PELI2: variants seen among roughly 807,000 people sequenced by gnomAD.
The protein encoded by PELI2 is pellino E3 ubiquitin protein ligase family member 2, also known as E3 ubiquitin-protein ligase pellino homolog 2.
PELI2 carries 23 observed loss-of-function variants against 42.3 expected under a neutral mutation model. That is an observed-to-expected ratio of 0.54 (90% CI 0.39 to 0.77). The LOEUF (loss-of-function observed/expected upper bound fraction) is 0.77, where lower values mean the gene tolerates loss of function less well. PELI2 is among the 30% of genes least tolerant of loss of function. PELI2 has a pLI of 0.00. For missense variants in PELI2, 463 were observed against 553.2 expected (o/e 0.84, Z 1.64); for synonymous variants, 245 against 212.2 (o/e 1.15, Z -1.34).
intron 2 of PELI2, among the ~76,000 whole-genome samples, chr14:56,234,034 A>G (rs1887689293): frequency 6.6e-6 from 1 of 152,244 alleles, no homozygotes. Context: ...AGAAATGCAA[A>G]TCAAAACTAC....
At chr14:56,131,820 G>A (rs988207077) in intron 1 of PELI2, among the ~76,000 whole-genome samples, 2 of 152,156 alleles carry the variant, frequency 1.3e-5, no homozygotes, top group African/African-American at 2.4e-5. Context: ...GGATAATAAA[G>A]CATACAGACT....
At chr14:56,171,194 C>A (rs1223330599) in intron 1 of PELI2, among the ~76,000 whole-genome samples, 2 of 152,176 alleles carry the variant, frequency 1.3e-5, no homozygotes, top group African/African-American at 2.4e-5. Context: ...CCCAATGCAA[C>A]AGTGTTGAGA....
intron 2 of PELI2, among the ~76,000 whole-genome samples, chr14:56,266,308 A>T (rs1888901673): frequency 6.6e-6 from 1 of 152,018 alleles, no homozygotes; most frequent in Non-Finnish European, 1.5e-5. Flanking sequence ...AAAACCCACA[A>T]CACTTTAAAG....
chr14:56,261,074 T>C (rs1888699635), intron 2 of PELI2, among the ~76,000 whole-genome samples: 1 of 152,004 alleles, frequency 6.6e-6, no homozygotes, highest in African/African-American at 2.4e-5. Flanking sequence ...TGCAGGGAGA[T>C]AGCTGTCTAC....
Position 56,264,467 on chromosome 14 carries a change from C to G in PELI2, c.208-15209C>G, listed in dbSNP as rs78704335. Among the ~76,000 whole-genome samples, 157 of 152,212 alleles carry G rather than the reference C, an allele frequency of 1.0e-3. No individual in the cohort carries two copies. In the East Asian group the frequency reaches 0.019, roughly 19 times the overall value. On this transcript the variant is annotated intron_variant, in intron 2 of 5. Transcript: ENST00000267460. ...TTCCCAATACATAGATGAGGCCACA[C>G]TAGAAAGTGCTACAGTAATATGCAC...
rs975889275 is a variant in PELI2 at position 56,196,508 on chromosome 14, T to C, written c.207+18044T>C. Among the ~76,000 whole-genome samples, 6 of 152,284 alleles carry C rather than the reference T, an allele frequency of 3.9e-5. No homozygotes were observed. In the South Asian group the frequency reaches 1.2e-3, roughly 32 times the overall value. On this transcript the variant is annotated intron_variant, in intron 2 of 5. Transcript: ENST00000267460. ...ACTCAGTGTGGATCCATCACAGATG[T>C]GGCTGAAAGAAAAAAATCTGCAACC...
rs1488134571 is a variant in PELI2, at chr14:56,219,623, C to A, written c.207+41159C>A. Among the ~76,000 whole-genome samples, 1 of 152,174 alleles carries A rather than the reference C, an allele frequency of 6.6e-6. No homozygotes were observed. Among genetic ancestry groups the A allele is most frequent in the African/African-American group, 2.4e-5 (1 of 41,434 alleles). On this transcript the variant is annotated intron_variant, in intron 2 of 5. Transcript: ENST00000267460. This position sits in a 1 kb window ranked among gnomAD's most constrained non-coding sequence, Gnocchi z 4.1. ...TAAGAGGCCTCCTTAGTCCTACTCC[C>A]AGGACACATTTGTTCTTGTTTATGG...
intron 2 of PELI2, among the ~76,000 whole-genome samples, chr14:56,257,223 T>G (rs1888557158): frequency 6.6e-6 from 1 of 152,138 alleles, no homozygotes; most frequent in South Asian, 2.1e-4. Context: ...TTCTAGGTAT[T>G]GGAGATAAAA....
At chr14:56,122,200 G>C (rs555278736) in intron 1 of PELI2, among the ~76,000 whole-genome samples, 1 of 152,116 alleles carries the variant, frequency 6.6e-6, no homozygotes, top group African/African-American at 2.4e-5. Flanking sequence ...ACTATGGCAC[G>C]TATGTACCTA....
At chr14:56,249,785 A>C (rs1200694142) in intron 2 of PELI2, among the ~76,000 whole-genome samples, 1 of 152,186 alleles carries the variant, frequency 6.6e-6, no homozygotes, top group East Asian at 1.9e-4. Flanking sequence ...TGACACCAGG[A>C]GTGTGTCTCT....
At chr14:56,215,330 C>T (rs1221496747) in intron 2 of PELI2, among the ~76,000 whole-genome samples, 2 of 152,130 alleles carry the variant, frequency 1.3e-5, no homozygotes, top group African/African-American at 4.8e-5. Context: ...GATAGACAAC[C>T]CTATACTGTT....
At chr14:56,258,245 T>C (rs1480075351) in intron 2 of PELI2, among the ~76,000 whole-genome samples, 1 of 152,118 alleles carries the variant, frequency 6.6e-6, no homozygotes, top group East Asian at 1.9e-4. Context: ...TAAAGTTAAC[T>C]GCCTACCAGA....
intron 2 of PELI2, among the ~76,000 whole-genome samples, chr14:56,200,040 G>A (rs188119777): frequency 5.7e-4 from 78 of 136,998 alleles, no homozygotes; most frequent in Non-Finnish European, 1.1e-3. Context: ...AGTGATTAAC[G>A]AAGAGTTCTT....
chr14:56,140,941 G>A (rs17688801), intron 1 of PELI2, among the ~76,000 whole-genome samples: 19,819 of 152,132 alleles, frequency 0.13, 1,469 homozygotes, highest in Middle Eastern at 0.18. Flanking sequence ...TGCTGACATA[G>A]CAGCTGAACA....
intron 2 of PELI2, among the ~76,000 whole-genome samples, chr14:56,231,903 G>A (rs1213973491): frequency 6.6e-6 from 1 of 151,974 alleles, no homozygotes; most frequent in Non-Finnish European, 1.5e-5. Context: ...TCAAATAGAT[G>A]CAATAAAAAA....
chr14:56,264,561 A>C (rs193229118), intron 2 of PELI2, among the ~76,000 whole-genome samples: 26 of 152,308 alleles, frequency 1.7e-4, no homozygotes, highest in African/African-American at 5.3e-4. Flanking sequence ...AAATGTATGA[A>C]TTCATGAGAT....
chr14:56,292,979 A>G (rs1889880230), intron 5 of PELI2: 1 of 225,876 alleles, frequency 4.4e-6, no homozygotes, highest in South Asian at 1.6e-4. Flanking sequence ...AATTCAGTTA[A>G]GTTGATTGCA....
chr14:56,125,983 C>T (rs1351172055), intron 1 of PELI2, among the ~76,000 whole-genome samples: 1 of 152,236 alleles, frequency 6.6e-6, no homozygotes, highest in African/African-American at 2.4e-5. Flanking sequence ...GCTTCTGTAG[C>T]ACAACTGCAG....
At chr14:56,287,341 T>A (rs1398923089) in intron 3 of PELI2, among the ~76,000 whole-genome samples, 1 of 152,240 alleles carries the variant, frequency 6.6e-6, no homozygotes, top group Non-Finnish European at 1.5e-5. Context: ...TAAGTCTTCA[T>A]TACTTTTCTA....
Sources: gnomAD v4.1 joint callset for allele counts (sites outside exome capture counted in the v4.1 genomes callset) on GRCh38, gnomAD v4.1.1 for gene constraint, Gnocchi (gnomAD v3.1) non-coding constraint, MANE v1.5 for transcripts, NCBI Gene and HGNC (gene_info 2026-07-23, HGNC 2026-07-21) for gene names.